The following MARCHF10 variants were observed in gnomAD, a reference collection of about 807,000 sequenced individuals.
MARCHF10 encodes the protein probable E3 ubiquitin-protein ligase MARCHF10.
MARCHF10 carries 64 observed loss-of-function variants against 76.2 expected under a neutral mutation model. That is an observed-to-expected ratio of 0.84 (90% CI 0.69 to 1.03). The LOEUF is 1.03. Among genes scored for constraint, MARCHF10 ranks in the 50% least tolerant of loss-of-function variants. The pLI, the probability that MARCHF10 is intolerant of heterozygous loss-of-function variation, is 0.00. For synonymous variants in MARCHF10, 340 were observed against 357.5 expected, an observed-to-expected ratio of 0.95 and a Z score of 0.55; for missense variants, 875 against 958.0, an observed-to-expected ratio of 0.91 and a Z score of 1.14.
rs763075648 is a variant in MARCHF10 at position 62,736,943 on chromosome 17, A to G, written c.925T>C (p.Cys309Arg). 6.2e-6 allele frequency: 10 copies of G among 1,614,144 alleles called. No individual in the cohort carries two copies. In the South Asian group the frequency reaches 1.1e-4, roughly 18 times the overall value. The change falls in exon 6 of 11, where the codon TGT becomes CGT. Residue 309 changes from cysteine (C) to arginine (R), a missense_variant. Transcript: ENST00000311269. Reference sequence around the variant, plus strand: ...CTTCTTTTGTGATGGGAAGGAGAACAGGGTGAGCGCACACCAACCCACAGA... The same window carrying G: ...CTTCTTTTGTGATGGGAAGGAGAACGGGGTGAGCGCACACCAACCCACAGA... ...ECLWVGVRSP[C>R]SPSHHKRSRF... is the part of the protein sequence containing the mutation.
intron 4 of MARCHF10, among the ~76,000 whole-genome samples, chr17:62,759,477 T>C (rs897047484): frequency 1.3e-5 from 2 of 152,234 alleles, no homozygotes; most frequent in South Asian, 4.1e-4. Flanking sequence ...TGATTGTTGT[T>C]GTTATACTTA....
chr17:62,710,960 A>C (rs959726060), intron 9 of MARCHF10, among the ~76,000 whole-genome samples: 2 of 152,154 alleles, frequency 1.3e-5, no homozygotes, highest in African/African-American at 4.8e-5. Context: ...GGGGGCAAAT[A>C]TCCTAGAGGC....
Position 62,746,005 on chromosome 17 carries a change from C to A in MARCHF10, c.383-1477G>T, listed in dbSNP as rs957611421. Among the ~76,000 whole-genome samples, 5 of 152,320 alleles carry A rather than the reference C, an allele frequency of 3.3e-5. No homozygotes were observed. The East Asian group carries it at 9.6e-4, about 29-fold the overall frequency. On this transcript the variant is annotated intron_variant, in intron 4 of 10. Transcript: ENST00000311269. ...AACATAGGGATAAAGCCGGGGAAAGCCCCCGACTTGTGTGTGAGAGCACAG... is the reference window on the plus strand; with the variant it reads ...AACATAGGGATAAAGCCGGGGAAAGACCCCGACTTGTGTGTGAGAGCACAG...
chr17:62,739,114 C>A (rs1463897029), intron 5 of MARCHF10, among the ~76,000 whole-genome samples: 1 of 152,116 alleles, frequency 6.6e-6, no homozygotes, highest in Non-Finnish European at 1.5e-5. Flanking sequence ...GCCTAGACAA[C>A]ATGGTGAAAC....
At chr17:62,791,659 G>T (rs756521602) in intron 2 of MARCHF10, among the ~76,000 whole-genome samples, 6 of 152,158 alleles carry the variant, frequency 3.9e-5, no homozygotes. Flanking sequence ...AATCAAACAT[G>T]AATCCTCTCA....
chr17:62,759,714 G>A (rs1048789194), intron 4 of MARCHF10, 121 bp downstream of exon 4: 16 of 960,202 alleles, frequency 1.7e-5, no homozygotes, highest in African/African-American at 1.6e-4. Context: ...CAAGTGATCC[G>A]CCGGCCTCAG....
intron 8 of MARCHF10, among the ~76,000 whole-genome samples, chr17:62,713,906 G>A (rs1473485683): frequency 6.6e-6 from 1 of 152,232 alleles, no homozygotes; most frequent in Non-Finnish European, 1.5e-5. Context: ...CAGCCCACCT[G>A]CCAGCTGTTT....
At chr17:62,761,946 A>G (rs2092214692) in intron 3 of MARCHF10, among the ~76,000 whole-genome samples, 1 of 152,210 alleles carries the variant, frequency 6.6e-6, no homozygotes, top group Non-Finnish European at 1.5e-5. Context: ...GTCAACTCCC[A>G]CAGGGCCCTG....
In MARCHF10 at chr17:62,714,460, A is replaced by G. The variant is rs530355741; in HGVS notation, c.2215-3116T>C. ...ACAAGAGACAAGATTTAAAGACAGG[A>G]TTCCAGGTAAATTGTCTGGGCGTTA... On this transcript the variant is annotated intron_variant, in intron 8 of 10. Transcript: ENST00000311269. 6 of 975,268 alleles carry G rather than the reference A, an allele frequency of 6.2e-6. No homozygotes were observed. The South Asian group carries it at 2.8e-4, about 46-fold the overall frequency. 60.4% of individuals were successfully genotyped at this position (975,268 alleles called of 1,614,324 possible). A position where few individuals can be genotyped will look rare whatever the true frequency, so the allele number is the denominator to read the frequency against.
At position 62,711,397 on chromosome 17, in the gene MARCHF10, A is replaced by G; in HGVS notation, c.2215-53T>C. On this transcript the variant is annotated intron_variant, in intron 8 of 10. Coordinates refer to ENST00000311269, the MANE Select transcript of MARCHF10 (RefSeq NM_152598.4). This position sits in a 1 kb window ranked among gnomAD's most constrained non-coding sequence, Gnocchi z 4.4. ...TTCATCTGTAAAATAGTCATGGTCT[A>G]AATTGTGGGATGCAGGGTAACAAGG... 1 of 1,542,780 alleles carries G rather than the reference A, an allele frequency of 6.5e-7. No homozygotes were observed. Among genetic ancestry groups the G allele is most frequent in the Non-Finnish European group, 8.9e-7 (1 of 1,117,782 alleles).
At chr17:62,796,749 G>A (rs1472406551) in intron 2 of MARCHF10, among the ~76,000 whole-genome samples, 1 of 152,210 alleles carries the variant, frequency 6.6e-6, no homozygotes, top group Non-Finnish European at 1.5e-5. Context: ...AGCACTTTGA[G>A]AGGCCAAGGT....
chr17:62,786,132 C>T (rs1016055579), intron 3 of MARCHF10, among the ~76,000 whole-genome samples: 1 of 151,890 alleles, frequency 6.6e-6, no homozygotes, highest in Admixed American at 6.6e-5. Flanking sequence ...GGAACCAACC[C>T]AAATGTCCAT....
chr17:62,800,528 T>C (rs1165304181), intron 2 of MARCHF10, among the ~76,000 whole-genome samples: 1 of 152,180 alleles, frequency 6.6e-6, no homozygotes, highest in Non-Finnish European at 1.5e-5. Context: ...TAAGCCGTAT[T>C]ATACAGGTGA....
At chr17:62,705,277 C>T (rs1421485274) in intron 10 of MARCHF10, 41 of 1,416,962 alleles carry the variant, frequency 2.9e-5, no homozygotes, top group African/African-American at 8.7e-5. Context: ...TATCTCATGC[C>T]GGAAGATAAC....
At chr17:62,740,387 G>C (rs999594226) in intron 5 of MARCHF10, among the ~76,000 whole-genome samples, 2 of 152,110 alleles carry the variant, frequency 1.3e-5, no homozygotes, top group African/African-American at 2.4e-5. Context: ...CTATGCCTTC[G>C]ACTTCTTGGT....
At chr17:62,745,929 C>T (rs2091688686) in intron 4 of MARCHF10, among the ~76,000 whole-genome samples, 1 of 152,178 alleles carries the variant, frequency 6.6e-6, no homozygotes, top group Non-Finnish European at 1.5e-5. Flanking sequence ...TTGTCTGGCT[C>T]ATCTTCTTTA....
At chr17:62,724,146 A>G (rs1456053952) in intron 7 of MARCHF10, among the ~76,000 whole-genome samples, 1 of 145,416 alleles carries the variant, frequency 6.9e-6, no homozygotes, top group Non-Finnish European at 1.5e-5. Flanking sequence ...AGCCGCAGCT[A>G]TTTTCTGATC....
chr17:62,723,253 C>G (rs1332151790), intron 7 of MARCHF10, among the ~76,000 whole-genome samples: 1 of 149,996 alleles, frequency 6.7e-6, no homozygotes, highest in Admixed American at 6.7e-5. Context: ...CATTTTTATC[C>G]TATTCCCCAA....
At chr17:62,747,380 A>G (rs554990168) in intron 4 of MARCHF10, among the ~76,000 whole-genome samples, 1 of 152,380 alleles carries the variant, frequency 6.6e-6, no homozygotes, top group Admixed American at 6.5e-5. Context: ...AACCATTACC[A>G]TGTGTCCTCT....
Sources: gnomAD v4.1 joint callset for allele counts (sites outside exome capture counted in the v4.1 genomes callset) on GRCh38, gnomAD v4.1.1 for gene constraint, Gnocchi (gnomAD v3.1) non-coding constraint, MANE v1.5 for transcripts, NCBI Gene and HGNC (gene_info 2026-07-23, HGNC 2026-07-21) for gene names.